R3HDM1: variants seen among roughly 807,000 people sequenced by gnomAD.
The protein encoded by R3HDM1 is R3H domain-containing protein 1.
A neutral mutation model predicts 141.1 loss-of-function variants in R3HDM1; 46 were observed. The observed-to-expected ratio is 0.33, with a 90% CI of 0.26 to 0.42. The LOEUF (loss-of-function observed/expected upper bound fraction) is 0.42, where lower values mean the gene tolerates loss of function less well. Ranked by LOEUF, R3HDM1 falls within the 10% of genes least tolerant of loss-of-function variation. The pLI is 1.00. For synonymous variants in R3HDM1, 435 were observed against 472.9 expected, an observed-to-expected ratio of 0.92 and a Z score of 1.04; for missense variants, 1,184 against 1,368.3, an observed-to-expected ratio of 0.87 and a Z score of 2.12.
intron 3 of R3HDM1, chr2:135,607,425 T>C (rs535772203): frequency 2.8e-6 from 2 of 719,174 alleles, no homozygotes; most frequent in Non-Finnish European, 1.7e-6. Context: ...GCCCCACTTA[T>C]AGTCAAGTGG....
intron 1 of R3HDM1, among the ~76,000 whole-genome samples, chr2:135,532,769 A>G (rs889589049): frequency 2.0e-5 from 3 of 152,202 alleles, no homozygotes; most frequent in Non-Finnish European, 4.4e-5. Flanking sequence ...ACACGTCTCA[A>G]TTTCTAAAAA....
chr2:135,548,785 T>C (rs866906024), intron 1 of R3HDM1, among the ~76,000 whole-genome samples: 1 of 152,220 alleles, frequency 6.6e-6, no homozygotes, highest in African/African-American at 2.4e-5. Context: ...ATTATATAAA[T>C]ACACAGTTAA....
chr2:135,693,111 T>G (rs1449935159), intron 21 of R3HDM1, among the ~76,000 whole-genome samples: 5 of 152,046 alleles, frequency 3.3e-5, no homozygotes, highest in Non-Finnish European at 5.9e-5. Flanking sequence ...AGGGGAAAAA[T>G]AAGTTTCCAT....
intron 17 of R3HDM1, chr2:135,651,526 T>C (rs13399459): frequency 5.3e-6 from 5 of 941,652 alleles, no homozygotes; most frequent in Non-Finnish European, 6.3e-6. Context: ...ATATATTTTT[T>C]AAATAATTTA....
At chr2:135,689,094 C>G (rs754352976) in intron 21 of R3HDM1, among the ~76,000 whole-genome samples, 11 of 152,190 alleles carry the variant, frequency 7.2e-5, no homozygotes, top group Non-Finnish European at 1.5e-4. Context: ...TGGCCCTGAT[C>G]TTAAGCCTGA....
At chr2:135,672,475 T>C (rs1259882692) in intron 19 of R3HDM1, among the ~76,000 whole-genome samples, 1 of 152,222 alleles carries the variant, frequency 6.6e-6, no homozygotes, top group African/African-American at 2.4e-5. Context: ...CAAATGTCAC[T>C]ACCTTTATAA....
intron 1 of R3HDM1, among the ~76,000 whole-genome samples, chr2:135,564,072 G>A (rs1031902565): frequency 6.6e-6 from 1 of 152,044 alleles, no homozygotes; most frequent in Non-Finnish European, 1.5e-5. Flanking sequence ...CATTCATGAG[G>A]GATCTGCCCC....
chr2:135,638,565 A>G, intron 11 of R3HDM1, 53 bp from the exon 12 acceptor site: 1 of 1,517,082 alleles, frequency 6.6e-7, no homozygotes, highest in South Asian at 1.1e-5. Flanking sequence ...TACAGATGGC[A>G]TTACGTTATA....
chr2:135,622,404 C>T (rs962070169), intron 6 of R3HDM1: 2 of 984,088 alleles, frequency 2.0e-6, no homozygotes, highest in Admixed American at 1.2e-4. Flanking sequence ...TAAACAGACA[C>T]ATGTGAGAGG....
At chr2:135,575,625 CAT>C (rs1036911978) in intron 1 of R3HDM1, among the ~76,000 whole-genome samples, 10 of 152,160 alleles carry the variant, frequency 6.6e-5, no homozygotes, top group African/African-American at 2.4e-5. Context: ...TCAATAGACT[CAT>C]ATACAGACAG....
chr2:135,653,088 G>A (rs979405185), intron 18 of R3HDM1, among the ~76,000 whole-genome samples: 1 of 151,250 alleles, frequency 6.6e-6, no homozygotes, highest in South Asian at 2.1e-4. Context: ...AAACATGGTG[G>A]CTTACACTTG....
At chr2:135,678,167 G>A (rs1329195472) in intron 20 of R3HDM1, among the ~76,000 whole-genome samples, 2 of 151,816 alleles carry the variant, frequency 1.3e-5, no homozygotes, top group Non-Finnish European at 2.9e-5. Context: ...GTTTCACCAT[G>A]TTGGCCAGGC....
intron 1 of R3HDM1, among the ~76,000 whole-genome samples, chr2:135,555,877 A>G (rs765191456): frequency 2.0e-5 from 3 of 152,160 alleles, no homozygotes; most frequent in African/African-American, 7.2e-5. Flanking sequence ...TTAGCTGGGC[A>G]TGGTGGCATA....
rs868810608 is a variant in R3HDM1, at chr2:135,630,303, A to C, written c.498-1415A>C. 3.3e-3 allele frequency among the ~76,000 whole-genome samples: 485 copies of C among 146,780 alleles called. 1 individual carries two copies. The highest frequency in any genetic ancestry group is 5.2e-3 in the Non-Finnish European group (350 of 67,266). On this transcript the variant is annotated intron_variant, in intron 7 of 26. Transcript: ENST00000683871. ...AACCAAAAAAAAAAAAAAAAAAAAA[A>C]AAAAACAAAAAAAAAACGAGATTCT...
chr2:135,616,350 A>G (rs1392019938), intron 4 of R3HDM1, among the ~76,000 whole-genome samples, 157 bp downstream of exon 4: 1 of 152,170 alleles, frequency 6.6e-6, no homozygotes, highest in Admixed American at 6.5e-5. Flanking sequence ...TGTCTTGCCT[A>G]GTCGCTTTTG....
intron 16 of R3HDM1, 123 bp from the exon 17 acceptor site, chr2:135,649,778 AT>A: frequency 2.5e-6 from 1 of 393,908 alleles, no homozygotes. Context: ...ATGTTGTTAT[AT>A]TTTAAATGAC....
chr2:135,558,272 T>C (rs1011274438), intron 1 of R3HDM1, among the ~76,000 whole-genome samples: 2 of 152,244 alleles, frequency 1.3e-5, no homozygotes, highest in Admixed American at 6.5e-5. Context: ...ATGTGTCTAG[T>C]GTAACTAAAG....
rs117004367 is a variant in R3HDM1, at chr2:135,654,150, G to T, written c.2028+2118G>T. Among the ~76,000 whole-genome samples the T allele has an allele frequency of 3.0e-3, 456 of 151,932 alleles. 3 individuals carry two copies. The highest frequency in any genetic ancestry group is 0.01 in the African/African-American group (425 of 41,416). On this transcript the variant is annotated intron_variant, in intron 18 of 26. Coordinates refer to ENST00000683871, the MANE Select transcript of R3HDM1 (RefSeq NM_001378107.1). ...TTGTTCCTCCATTTCCCAGCCCCTGGCAACCACCAATCTGCTTCTGTCTCC... is the reference window on the plus strand; with the variant it reads ...TTGTTCCTCCATTTCCCAGCCCCTGTCAACCACCAATCTGCTTCTGTCTCC...
intron 3 of R3HDM1, among the ~76,000 whole-genome samples, chr2:135,610,291 CACATTA>C (rs2060421330): frequency 1.3e-5 from 2 of 152,160 alleles, no homozygotes; most frequent in Admixed American, 1.3e-4. Flanking sequence ...GCCTCTCCCT[CACATTA>C]TTATTAACAA....
Sources: allele counts gnomAD v4.1 joint callset (sites outside exome capture counted in the v4.1 genomes callset), GRCh38; gene constraint gnomAD v4.1.1; transcripts MANE v1.5; gene names NCBI Gene and HGNC (gene_info 2026-07-23, HGNC 2026-07-21).